The following CPED1 variants were observed in gnomAD, a reference collection of about 807,000 sequenced individuals.
The protein encoded by CPED1 is cadherin-like and PC-esterase domain-containing protein 1.
A neutral mutation model predicts 128.2 loss-of-function variants in CPED1; 114 were observed. The observed-to-expected ratio is 0.89, with a 90% confidence interval of 0.76 to 1.04. The LOEUF (loss-of-function observed/expected upper bound fraction) is 1.04. Among genes scored for constraint, CPED1 ranks in the 50% least tolerant of loss-of-function variants. The pLI is 0.00. For synonymous variants in CPED1, 462 were observed against 426.7 expected (o/e 1.08, Z -1.02); for missense variants, 1,211 against 1,207.1 (o/e 1.00, Z -0.05).
At chr7:121,100,244 T>A in intron 7 of CPED1, 150 bp downstream of exon 7, 1 of 702,498 alleles carries the variant, frequency 1.4e-6, no homozygotes, top group Non-Finnish European at 2.3e-6. Flanking sequence ...GATTTTCACT[T>A]AATAGGTGCA....
At chr7:121,078,602 A>T (rs1001318000) in intron 5 of CPED1, among the ~76,000 whole-genome samples, 12 of 150,204 alleles carry the variant, frequency 8.0e-5, no homozygotes, top group Non-Finnish European at 1.5e-5. Context: ...CTATTTCTGT[A>T]TGTTGGCCTT....
intron 6 of CPED1, among the ~76,000 whole-genome samples, chr7:121,099,432 A>G (rs549557035): frequency 1.2e-4 from 18 of 152,266 alleles, no homozygotes; most frequent in East Asian, 1.2e-3. Flanking sequence ...CAATGATGCA[A>G]TCTCAGCTCA....
chr7:121,250,134 C>G (rs1378620770), intron 18 of CPED1, among the ~76,000 whole-genome samples: 4 of 152,150 alleles, frequency 2.6e-5, no homozygotes, highest in South Asian at 2.1e-4. Context: ...TCAGACCACA[C>G]TGCAATCAAA....
chr7:121,222,916 A>T (rs962618658), intron 16 of CPED1, among the ~76,000 whole-genome samples: 1 of 152,144 alleles, frequency 6.6e-6, no homozygotes, highest in African/African-American at 2.4e-5. Context: ...GGACAATTTG[A>T]CTTCCTCTTT....
chr7:121,283,162 C>T (rs185466897), intron 22 of CPED1, among the ~76,000 whole-genome samples: 1 of 152,204 alleles, frequency 6.6e-6, no homozygotes, highest in Admixed American at 6.5e-5. Context: ...TTTAATCTCA[C>T]ACAATTAAAA....
In CPED1 at chr7:121,126,775, T is replaced by C. The variant is rs564081543; in HGVS notation, c.1135-315T>C. ...ATAGTTTGTATTATGCTTTTTAAAA[T>C]CTGTTGTTCAGAAAGAAATGTTATG... On this transcript the variant is annotated intron_variant, in intron 9 of 22. Coordinates refer to ENST00000310396, the MANE Select transcript of CPED1 (RefSeq NM_024913.5). Among the ~76,000 whole-genome samples the C allele has an allele frequency of 7.2e-5, 11 of 152,254 alleles. No homozygotes were observed. The East Asian group carries it at 1.9e-3, about 27-fold the overall frequency.
chr7:121,189,019 T>G (rs1797066884), intron 16 of CPED1, among the ~76,000 whole-genome samples: 1 of 152,166 alleles, frequency 6.6e-6, no homozygotes, highest in Admixed American at 6.6e-5. Flanking sequence ...TTTGTCTGAT[T>G]ATCTCAGAAG....
intron 16 of CPED1, among the ~76,000 whole-genome samples, chr7:121,202,328 G>A (rs1797418228): frequency 6.6e-6 from 1 of 152,110 alleles, no homozygotes; most frequent in Non-Finnish European, 1.5e-5. Context: ...CAAGAATACG[G>A]CAACCAGTCA....
At chr7:121,194,457 T>C (rs967601186) in intron 16 of CPED1, among the ~76,000 whole-genome samples, 3 of 152,144 alleles carry the variant, frequency 2.0e-5, no homozygotes, top group Non-Finnish European at 4.4e-5. Context: ...AGATTTATTT[T>C]ACCATTTTTT....
intron 7 of CPED1, among the ~76,000 whole-genome samples, chr7:121,117,050 TAC>T (rs1795257922): frequency 2.8e-5 from 4 of 140,896 alleles, no homozygotes; most frequent in African/African-American, 8.0e-5. Flanking sequence ...CACACATATA[TAC>T]ACACATTTTA....
At chr7:121,225,226 C>T (rs1797976658) in intron 16 of CPED1, among the ~76,000 whole-genome samples, 1 of 152,254 alleles carries the variant, frequency 6.6e-6, no homozygotes, top group Non-Finnish European at 1.5e-5. Context: ...TTCTCCTTCA[C>T]TTATGAAGCT....
intron 22 of CPED1, among the ~76,000 whole-genome samples, chr7:121,287,197 G>A (rs1227353216): frequency 6.6e-6 from 1 of 152,058 alleles, no homozygotes; most frequent in East Asian, 1.9e-4. Context: ...TAAAGATCAT[G>A]AACCATGGTA....
intron 5 of CPED1, among the ~76,000 whole-genome samples, chr7:121,080,130 A>C (rs1479710315): frequency 6.6e-6 from 1 of 152,216 alleles, no homozygotes; most frequent in Non-Finnish European, 1.5e-5. Flanking sequence ...TCTTTGCATT[A>C]CATAATAAAC....
chr7:121,241,342 C>T (rs1299648884), intron 17 of CPED1, among the ~76,000 whole-genome samples: 1 of 4,838 alleles, frequency 2.1e-4, no homozygotes, highest in African/African-American at 4.6e-4. Flanking sequence ...AGCGAGACTC[C>T]GTCTCAAAAA....
At chr7:121,017,747 T>C (rs1792337443) in intron 3 of CPED1, among the ~76,000 whole-genome samples, 1 of 152,238 alleles carries the variant, frequency 6.6e-6, no homozygotes, top group Non-Finnish European at 1.5e-5. Flanking sequence ...TTTCCCTTGA[T>C]GTTCTTGGGT....
chr7:121,024,857 G>A (rs992015120), intron 3 of CPED1, among the ~76,000 whole-genome samples: 3 of 152,098 alleles, frequency 2.0e-5, no homozygotes, highest in Non-Finnish European at 2.9e-5. Flanking sequence ...TCCTTCATAC[G>A]GGAGCTTTCA....
At chr7:120,999,672 A>G (rs1203663867) in intron 2 of CPED1, among the ~76,000 whole-genome samples, 1 of 152,166 alleles carries the variant, frequency 6.6e-6, no homozygotes. Flanking sequence ...TTATCAACAC[A>G]CTAACAGGTA....
At chr7:121,020,011 A>G (rs754586984) in intron 3 of CPED1, among the ~76,000 whole-genome samples, 3 of 152,036 alleles carry the variant, frequency 2.0e-5, no homozygotes, top group African/African-American at 7.2e-5. Flanking sequence ...TTATCATTGG[A>G]TCAGAATCAT....
chr7:121,170,624 T>G (rs1796631443), intron 16 of CPED1, among the ~76,000 whole-genome samples: 1 of 152,196 alleles, frequency 6.6e-6, no homozygotes, highest in South Asian at 2.1e-4. Flanking sequence ...CGTCTTCTCA[T>G]GGAGCTCACA....
Sources: gnomAD v4.1 joint callset for allele counts (sites outside exome capture counted in the v4.1 genomes callset) on GRCh38, gnomAD v4.1.1 for gene constraint, MANE v1.5 for transcripts, NCBI Gene and HGNC (gene_info 2026-07-23, HGNC 2026-07-21) for gene names.